Variants in PTPRD observed in about 807,000 individuals in gnomAD.
The protein encoded by PTPRD is protein tyrosine phosphatase receptor type D.
Under a neutral mutation model 214.5 loss-of-function variants are expected in PTPRD, and 34 were observed. The observed-to-expected ratio is 0.16, with a 90% CI of 0.12 to 0.21. The LOEUF (loss-of-function observed/expected upper bound fraction) is 0.21, where lower values mean the gene tolerates loss of function less well. PTPRD is among the 10% of genes least tolerant of loss of function. The pLI, the probability that PTPRD is intolerant of heterozygous loss-of-function variation, is 1.00. For synonymous variants in PTPRD, 1,128 were observed against 845.7 expected, an observed-to-expected ratio of 1.33 and a Z score of -5.79; for missense variants, 2,545 against 2,398.7, an observed-to-expected ratio of 1.06 and a Z score of -1.27.
intron 9 of PTPRD, among the ~76,000 whole-genome samples, chr9:9,228,177 G>A (rs1021087929): frequency 6.6e-6 from 1 of 151,936 alleles, no homozygotes; most frequent in Non-Finnish European, 1.5e-5. Flanking sequence ...TTAAATAATT[G>A]CTACTCTTAT....
At chr9:9,844,411 C>T (rs2153646470) in intron 5 of PTPRD, among the ~76,000 whole-genome samples, 1 of 151,966 alleles carries the variant, frequency 6.6e-6, no homozygotes, top group South Asian at 2.1e-4. Flanking sequence ...CTCAAAGAAA[C>T]AGAGTAGGAT....
At chr9:9,427,739 G>A (rs367649405) in intron 8 of PTPRD, among the ~76,000 whole-genome samples, 94 of 152,316 alleles carry the variant, frequency 6.2e-4, no homozygotes, top group African/African-American at 2.2e-3. Context: ...CAAGCCAGAA[G>A]AGAGTGGGGG....
chr9:9,310,591 T>C (rs1374504742), intron 9 of PTPRD, among the ~76,000 whole-genome samples: 1 of 152,168 alleles, frequency 6.6e-6, no homozygotes, highest in Non-Finnish European at 1.5e-5. Context: ...CGTTATTGAA[T>C]GCCTACTATA....
intron 10 of PTPRD, among the ~76,000 whole-genome samples, chr9:9,133,712 C>A (rs2099846361): frequency 6.6e-6 from 1 of 152,176 alleles, no homozygotes; most frequent in Non-Finnish European, 1.5e-5. Flanking sequence ...TGTATGGCCA[C>A]TGAGTCTGTA....
Position 9,929,086 on chromosome 9 carries a change from C to A in PTPRD, c.-368+9421G>T, listed in dbSNP as rs1358659723. ...GATAATTGAGCCTAAGCAATAGATA[C>A]CATATCTGTCCGCTATACCTATTTT... is the stretch of plus-strand genomic sequence containing the variant. On this transcript the variant is annotated intron_variant, in intron 5 of 45. Transcript: ENST00000381196. 4.6e-5 allele frequency among the ~76,000 whole-genome samples: 7 copies of A among 152,050 alleles called. No individual in the cohort carries two copies. In the East Asian group the frequency reaches 1.4e-3, roughly 29 times the overall value.
At chr9:9,078,206 G>T (rs1047432283) in intron 10 of PTPRD, among the ~76,000 whole-genome samples, 17 of 151,978 alleles carry the variant, frequency 1.1e-4, no homozygotes, top group Non-Finnish European at 2.1e-4. Flanking sequence ...TTATGTAAAC[G>T]TCATTAATTA....
intron 12 of PTPRD, among the ~76,000 whole-genome samples, chr9:8,662,427 T>A (rs1468664350): frequency 1.3e-5 from 2 of 152,174 alleles, no homozygotes; most frequent in East Asian, 3.9e-4. Context: ...TGCTGCTGGT[T>A]ATGTTCATGG....
intron 6 of PTPRD, among the ~76,000 whole-genome samples, chr9:9,765,648 C>T (rs16930254): frequency 7.9e-5 from 12 of 152,096 alleles, no homozygotes; most frequent in African/African-American, 2.4e-4. Context: ...CTGAAGCTTA[C>T]GTAAATTCTT....
intron 11 of PTPRD, among the ~76,000 whole-genome samples, chr9:8,835,313 A>C (rs2097394179): frequency 6.6e-6 from 1 of 152,216 alleles, no homozygotes; most frequent in Non-Finnish European, 1.5e-5. Flanking sequence ...TAGTCTCTAC[A>C]AACACAGCTG....
At chr9:8,629,254 T>C (rs1185515963) in intron 14 of PTPRD, among the ~76,000 whole-genome samples, 1 of 151,852 alleles carries the variant, frequency 6.6e-6, no homozygotes, top group East Asian at 1.9e-4. Context: ...TCTTTCCTCT[T>C]GCCCAAAAGA....
At chr9:9,860,942 G>T (rs555568583) in intron 5 of PTPRD, among the ~76,000 whole-genome samples, 2 of 152,084 alleles carry the variant, frequency 1.3e-5, no homozygotes, top group African/African-American at 4.8e-5. Flanking sequence ...ATGCAGTTTT[G>T]GGAAAAAGCT....
At chr9:9,700,408 A>T (rs1365045257) in intron 7 of PTPRD, among the ~76,000 whole-genome samples, 1 of 152,136 alleles carries the variant, frequency 6.6e-6, no homozygotes, top group Non-Finnish European at 1.5e-5. Context: ...TTCCTTCTGT[A>T]ATATGGTAAT....
chr9:9,458,672 T>G (rs1588989886), intron 8 of PTPRD, among the ~76,000 whole-genome samples: 1 of 152,032 alleles, frequency 6.6e-6, no homozygotes, highest in Admixed American at 6.6e-5. Context: ...CCAAGTAGAG[T>G]GGCTCACTCC....
intron 8 of PTPRD, among the ~76,000 whole-genome samples, chr9:9,433,308 T>G (rs1456333252): frequency 6.6e-6 from 1 of 152,118 alleles, no homozygotes; most frequent in African/African-American, 2.4e-5. Flanking sequence ...TAGGAAGTCA[T>G]CCTTTTCAGA....
intron 2 of PTPRD, among the ~76,000 whole-genome samples, chr9:10,504,724 A>T (rs2045312000): frequency 6.6e-6 from 1 of 152,210 alleles, no homozygotes; most frequent in South Asian, 2.1e-4. Flanking sequence ...ACTTCTCCAC[A>T]GGCATAAAGC....
intron 3 of PTPRD, among the ~76,000 whole-genome samples, chr9:10,206,176 T>C (rs557948494): frequency 2.0e-5 from 3 of 150,704 alleles, no homozygotes; most frequent in East Asian, 1.9e-4. Flanking sequence ...TAAGGAGAAA[T>C]AGCACGCATG....
At chr9:8,580,929 G>T (rs934003543) in intron 14 of PTPRD, among the ~76,000 whole-genome samples, 12 of 152,146 alleles carry the variant, frequency 7.9e-5, no homozygotes, top group Admixed American at 3.9e-4. Context: ...CAATAGGTTT[G>T]CTGAAAAATG....
chr9:9,585,101 C>T (rs2091694940), intron 7 of PTPRD, among the ~76,000 whole-genome samples: 1 of 151,982 alleles, frequency 6.6e-6, no homozygotes, highest in African/African-American at 2.4e-5. Context: ...GGATTATTAT[C>T]ATTTTTGTTT....
At chr9:9,774,045 G>A (rs967147185) in intron 5 of PTPRD, among the ~76,000 whole-genome samples, 3 of 152,148 alleles carry the variant, frequency 2.0e-5, no homozygotes, top group South Asian at 2.1e-4. Context: ...CAGGTAAGTG[G>A]ACATCTACTC....
Sources: allele counts gnomAD v4.1 joint callset (sites outside exome capture counted in the v4.1 genomes callset), GRCh38; gene constraint gnomAD v4.1.1; transcripts MANE v1.5; gene names NCBI Gene and HGNC (gene_info 2026-07-23, HGNC 2026-07-21).